The following BNC1 variants were observed in gnomAD, a reference collection of about 807,000 sequenced individuals.
BNC1 encodes the protein basonuclin zinc finger protein 1.
A neutral mutation model predicts 66.5 loss-of-function variants in BNC1; 8 were observed. That is an observed-to-expected ratio of 0.12 (90% CI 0.07 to 0.22). The LOEUF is 0.22. Among genes scored for constraint, BNC1 ranks in the 10% least tolerant of loss-of-function variants. The probability of loss-of-function intolerance (pLI) is 1.00; values close to 1 mark genes in which losing one functional copy is unlikely to be tolerated. For synonymous variants in BNC1, 454 were observed against 452.6 expected, an observed-to-expected ratio of 1.00 and a Z score of -0.04; for missense variants, 1,069 against 1,241.3, an observed-to-expected ratio of 0.86 and a Z score of 2.09.
chr15:83,269,783 G>T (rs2038252555), intron 1 of BNC1, among the ~76,000 whole-genome samples: 1 of 152,122 alleles, frequency 6.6e-6, no homozygotes, highest in Admixed American at 6.5e-5. Flanking sequence ...AATGTTCATA[G>T]CAGATTATTC....
Position 83,263,759 on chromosome 15 carries a change from G to C in BNC1, c.1492C>G (p.Pro498Ala), listed in dbSNP as rs1399360865. The stretch of plus-strand genomic sequence containing the variant: ...CCAGGCGTGTTTGCTACCTCGGCAG[G>C]CGTGGCTGGACTGCGGTAGAAAGGA... ...VLPFYRSPATPAEVANTPGIL... is the reference protein window; with the variant it reads ...VLPFYRSPATAAEVANTPGIL... The change falls in exon 4 of 5, where the codon CCT (proline) becomes GCT (alanine). Residue 498 changes from proline to alanine, a missense_variant. Pro to Ala is a conservative substitution (Grantham distance 27). Transcript: ENST00000345382. 6.2e-7 allele frequency: 1 copy of C among 1,614,196 alleles called. No homozygotes were observed. The highest frequency in any genetic ancestry group is 1.7e-5 in the Admixed American group (1 of 60,010).
At position 83,268,548 on chromosome 15, in the gene BNC1, T is replaced by C. The variant is rs2038239913; in HGVS notation, c.100-316A>G. ...ATTAAGCTCATAGAAAGGGTAAACA[T>C]ATTTTCACCAAATTTCTAAGTTGAC... On this transcript the variant is annotated intron_variant, in intron 1 of 4. Transcript: ENST00000345382. Among the ~76,000 whole-genome samples the C allele has an allele frequency of 2.0e-5, 3 of 152,190 alleles. No homozygotes were observed. In the South Asian group the frequency reaches 6.2e-4, roughly 32 times the overall value.
intron 1 of BNC1, among the ~76,000 whole-genome samples, chr15:83,279,090 TAC>T (rs1567196393): frequency 6.6e-6 from 1 of 152,230 alleles, no homozygotes. Flanking sequence ...TTAATGACAT[TAC>T]AGTTATTGTT....
intron 1 of BNC1, among the ~76,000 whole-genome samples, chr15:83,281,453 C>A (rs1595943893): frequency 6.6e-6 from 1 of 152,166 alleles, no homozygotes; most frequent in African/African-American, 2.4e-5. Flanking sequence ...GGTGGCTCAT[C>A]ATTGAGATTT....
At position 83,284,641 on chromosome 15, in the gene BNC1, C is replaced by A; in HGVS notation, c.-13G>T. 1.0e-6 allele frequency: 1 copy of A among 986,626 alleles called. No homozygotes were observed. The highest frequency in any genetic ancestry group is 1.2e-6 in the Non-Finnish European group (1 of 831,528). 61.1% of individuals were successfully genotyped at this position (986,626 alleles called of 1,614,324 possible). ...GGCGCCGCCGCATCCACGCTCCGGC[C>A]GTCGGGGCGCGACCCGGCGAAGTGG... On this transcript the variant is annotated 5_prime_UTR_variant, in exon 1 of 5. Transcript: ENST00000345382.
chr15:83,282,977 G>T (rs924638570), intron 1 of BNC1, among the ~76,000 whole-genome samples: 1 of 152,102 alleles, frequency 6.6e-6, no homozygotes, highest in Non-Finnish European at 1.5e-5. Context: ...CAGGCGTCTG[G>T]GCCGCTTTAA....
chr15:83,258,677 G>A (rs1172768434), intron 4 of BNC1, among the ~76,000 whole-genome samples: 1 of 152,072 alleles, frequency 6.6e-6, no homozygotes, highest in Non-Finnish European at 1.5e-5. Flanking sequence ...CAAACTATAA[G>A]GAACTAAGAA....
intron 1 of BNC1, among the ~76,000 whole-genome samples, chr15:83,276,252 T>C (rs1028809015): frequency 2.0e-5 from 3 of 152,214 alleles, no homozygotes; most frequent in Non-Finnish European, 2.9e-5. Context: ...TGGGCTCTGG[T>C]TGTCCGACTC....
At chr15:83,281,663 T>A (rs546479556) in intron 1 of BNC1, among the ~76,000 whole-genome samples, 1 of 152,352 alleles carries the variant, frequency 6.6e-6, no homozygotes, top group Non-Finnish European at 1.5e-5. Flanking sequence ...ATACAGAAGC[T>A]AAAAGACACT....
intron 1 of BNC1, among the ~76,000 whole-genome samples, chr15:83,282,383 A>G (rs2038387984): frequency 6.6e-6 from 1 of 152,246 alleles, no homozygotes; most frequent in African/African-American, 2.4e-5. Flanking sequence ...AAGTATGCCA[A>G]AAAGAATAAA....
At position 83,264,025 on chromosome 15, in the gene BNC1, G is replaced by A. The variant is rs2151435927; in HGVS notation, c.1226C>T (p.Pro409Leu). 1 of 1,614,170 alleles carries A rather than the reference G, an allele frequency of 6.2e-7. No individual in the cohort carries two copies. The highest frequency in any genetic ancestry group is 1.6e-4 in the Middle Eastern group (1 of 6,062). The change falls in exon 4 of 5, where the codon CCC (proline) becomes CTC (leucine). Residue 409 changes from proline (P) to leucine (L), a missense_variant. Pro to Leu is a moderately conservative substitution (Grantham distance 98). Coordinates refer to ENST00000345382, the MANE Select transcript of BNC1 (RefSeq NM_001717.4). Reference sequence around the variant, plus strand: ...CATTGGCATGTGCAGCCGAGGGTTGGGGTTGGCGCTATGGCGATTCCGGCT... The same window carrying A: ...CATTGGCATGTGCAGCCGAGGGTTGAGGTTGGCGCTATGGCGATTCCGGCT... Reference protein sequence around the residue: ...LRSRNRHSANPNPRLHMPMNR... With the variant: ...LRSRNRHSANLNPRLHMPMNR...
At chr15:83,280,719 G>T (rs925531086) in intron 1 of BNC1, among the ~76,000 whole-genome samples, 3 of 152,122 alleles carry the variant, frequency 2.0e-5, no homozygotes, top group African/African-American at 4.8e-5. Context: ...CAACACTTCC[G>T]GAAGCTGATG....
chr15:83,264,933 C>A, intron 3 of BNC1, 118 bp from the exon 4 acceptor site: 1 of 1,077,172 alleles, frequency 9.3e-7, no homozygotes, highest in Non-Finnish European at 1.3e-6. Context: ...AAGATGAATG[C>A]AGGGCTTTGG....
chr15:83,267,211 TA>T lies in BNC1; in HGVS notation c.200-141del, dbSNP rs2038226958. On this transcript the variant is annotated intron_variant, in intron 2 of 4. Coordinates refer to ENST00000345382, the MANE Select transcript of BNC1 (RefSeq NM_001717.4). The stretch of plus-strand genomic sequence containing the variant: ...TGAATATACAAATGATTAAATACCT[TA>T]ATAGCTATGAAACTTCAAATTATTT... 7.7e-6 allele frequency: 5 copies of T among 646,020 alleles called. No individual in the cohort carries two copies. In the South Asian group the frequency reaches 1.0e-4, roughly 13 times the overall value. 40.0% of individuals were successfully genotyped at this position (646,020 alleles called of 1,614,324 possible).
In BNC1 at chr15:83,257,373, T is replaced by C. The variant is rs569920758; in HGVS notation, c.*69A>G. 8.8e-6 allele frequency: 13 copies of C among 1,473,318 alleles called. No individual in the cohort carries two copies. In the Admixed American group the frequency reaches 1.1e-4, roughly 12 times the overall value. The allele number at this position is 1,473,318 out of a possible 1,614,324, so 91.3% of individuals were successfully genotyped here. Reference sequence around the variant, plus strand: ...CCCCAAATGATATGAAACAGAAACATTTCTATGGACTACTTTATTCCTGAA... The same window carrying C: ...CCCCAAATGATATGAAACAGAAACACTTCTATGGACTACTTTATTCCTGAA... On this transcript the variant is annotated 3_prime_UTR_variant, in exon 5 of 5. Coordinates refer to ENST00000345382, the MANE Select transcript of BNC1 (RefSeq NM_001717.4).
intron 1 of BNC1, chr15:83,283,218 A>C: frequency 6.5e-7 from 1 of 1,535,688 alleles, no homozygotes; most frequent in Non-Finnish European, 8.7e-7. Flanking sequence ...CGCATTTGTG[A>C]AAGTTTGGCT....
At chr15:83,278,198 C>T (rs1177962623) in intron 1 of BNC1, among the ~76,000 whole-genome samples, 1 of 152,208 alleles carries the variant, frequency 6.6e-6, no homozygotes, top group Non-Finnish European at 1.5e-5. Flanking sequence ...AGACACTCAA[C>T]ACATCATGCC....
chr15:83,257,741 C>G lies in BNC1; in HGVS notation c.2686G>C (p.Gly896Arg), dbSNP rs1275373015. 1 of 1,614,164 alleles carries G rather than the reference C, an allele frequency of 6.2e-7. No homozygotes were observed. Among genetic ancestry groups the G allele is most frequent in the Non-Finnish European group, 8.5e-7 (1 of 1,180,026 alleles). ...LMEDSDGNCEGSSLVPGEDEY... is the reference protein window; with the variant it reads ...LMEDSDGNCERSSLVPGEDEY... ...TCTTCCCCAGGGACAAGGCTCGACC[C>G]TTCACAGTTCCCATCACTGTCCTCC... The change falls in exon 5 of 5, where the codon GGG becomes CGG. Residue 896 changes from glycine (G) to arginine (R), a missense_variant. Transcript: ENST00000345382.
At position 83,257,734 on chromosome 15, in the gene BNC1, C is replaced by T; in HGVS notation, c.2693G>A (p.Ser898Asn). ...GTACTCATCTTCCCCAGGGACAAGG[C>T]TCGACCCTTCACAGTTCCCATCACT... The part of the protein sequence containing the change: ...EDSDGNCEGS[S>N]LVPGEDEYPI... Residue 898 changes from serine (S) to asparagine (N), a missense_variant, in exon 5 of 5, where the codon AGC becomes AAC. By Grantham distance (46) the Ser-to-Asn change is conservative. Transcript: ENST00000345382. 6.2e-7 allele frequency: 1 copy of T among 1,614,140 alleles called. No homozygotes were observed. The highest frequency in any genetic ancestry group is 8.5e-7 in the Non-Finnish European group (1 of 1,180,018).
Sources: allele counts gnomAD v4.1 joint callset (sites outside exome capture counted in the v4.1 genomes callset), GRCh38; gene constraint gnomAD v4.1.1; transcripts MANE v1.5; gene names NCBI Gene and HGNC (gene_info 2026-07-23, HGNC 2026-07-21).